MLXIP: variants seen among roughly 807,000 people sequenced by gnomAD.
The protein encoded by MLXIP is MLX interacting protein.
MLXIP carries 30 observed loss-of-function variants against 87.2 expected under a neutral mutation model. The observed-to-expected ratio is 0.34, with a 90% CI of 0.26 to 0.47. MLXIP has a LOEUF of 0.47. MLXIP is among the 20% of genes least tolerant of loss of function. The probability of loss-of-function intolerance (pLI) is 1.00; values close to 1 mark genes in which losing one functional copy is unlikely to be tolerated. For synonymous variants in MLXIP, 530 were observed against 514.0 expected, an observed-to-expected ratio of 1.03 and a Z score of -0.42; for missense variants, 1,002 against 1,240.1, an observed-to-expected ratio of 0.81 and a Z score of 2.88.
At position 122,144,218 on chromosome 12, in the gene MLXIP, AT is replaced by A; in HGVS notation, c.*2410del. ...CACAGGATGGGCTTTGTTTACACTC[AT>A]TTTCACCCTGATTCTTGCCCCCACT... On this transcript the variant is annotated 3_prime_UTR_variant, in exon 17 of 17. Transcript: ENST00000319080. The A allele has an allele frequency of 6.6e-6, 1 of 152,574 alleles. No individual in the cohort carries two copies. Among genetic ancestry groups the A allele is most frequent in the South Asian group, 2.1e-4 (1 of 4,816 alleles). 9.5% of individuals were successfully genotyped at this position (152,574 alleles called of 1,614,324 possible). A position where few individuals can be genotyped will look rare whatever the true frequency, so the allele number is the denominator to read the frequency against.
chr12:122,141,572 C>T (rs1347990200), intron 16 of MLXIP, 119 bp from the exon 17 acceptor site: 2 of 1,482,166 alleles, frequency 1.3e-6, no homozygotes, highest in African/African-American at 1.4e-5. Flanking sequence ...TGCAGTCCAG[C>T]ATGGCTGCTG....
chr12:122,138,277 C>G lies in MLXIP; in HGVS notation c.2238C>G (p.Ile746Met), dbSNP rs1479843247. ...GCTTCGACATGCTCAACAGCCTCAT[C>G]TCCAACAATTCCAAGCTGGTGAGTT... ...KMCFDMLNSLISNNSKLTSHA... is the reference protein window; with the variant it reads ...KMCFDMLNSLMSNNSKLTSHA... The change falls in exon 13 of 17, where the codon ATC (isoleucine) becomes ATG (methionine). Residue 746 changes from isoleucine (I) to methionine (M), a missense_variant. Ile to Met is a conservative substitution (Grantham distance 10). This residue lies in a region of MLXIP where 746 missense variants were observed against 897.0 expected (regional missense o/e 0.83). Transcript: ENST00000319080. 15 of 1,613,812 alleles carry G rather than the reference C, an allele frequency of 9.3e-6. No individual in the cohort carries two copies. The highest frequency in any genetic ancestry group is 1.7e-5 in the Admixed American group (1 of 59,990).
intron 6 of MLXIP, 58 bp downstream of exon 6, chr12:122,130,170 C>A (rs936347747): frequency 2.6e-6 from 4 of 1,534,676 alleles, no homozygotes; most frequent in African/African-American, 1.4e-5. Flanking sequence ...CTCTGCCAGG[C>A]CCCCTCTGGG....
Position 122,103,521 on chromosome 12 carries a change from C to CT in MLXIP, c.414-23718dup, listed in dbSNP as rs36181949. 1.0e-2 allele frequency among the ~76,000 whole-genome samples: 1,109 copies of CT among 111,270 alleles called. 21 individuals carry two copies. Among genetic ancestry groups the CT allele is most frequent in the African/African-American group, 0.021 (581 of 27,060 alleles). 73.0% of individuals were successfully genotyped at this position (111,270 alleles called of 152,430 possible). A position where few individuals can be genotyped will look rare whatever the true frequency, so the allele number is the denominator to read the frequency against. On this transcript the variant is annotated intron_variant, in intron 1 of 16. Coordinates refer to ENST00000319080, the MANE Select transcript of MLXIP (RefSeq NM_014938.6). The stretch of plus-strand genomic sequence containing the variant: ...ACAGGCATGAACCATTGCACCTGGC[C>CT]TTTTTTTTTTTTTTTTTGAGACAGA...
chr12:122,094,969 TTG>T (rs2135915328), intron 1 of MLXIP, among the ~76,000 whole-genome samples: 1 of 133,154 alleles, frequency 7.5e-6, no homozygotes, highest in East Asian at 2.3e-4. Context: ...GTTGGTGTGT[TTG>T]TGGGGTGTGG....
At chr12:122,094,097 G>GGT (rs1270688217) in intron 1 of MLXIP, among the ~76,000 whole-genome samples, 1 of 144,836 alleles carries the variant, frequency 6.9e-6, no homozygotes, top group Non-Finnish European at 1.5e-5. Context: ...TGTGTGTGGT[G>GGT]GTGTGTGTGT....
At position 122,121,009 on chromosome 12, in the gene MLXIP, G is replaced by GTTTTTTTTTTTTTTTTTTTTT. The variant is rs776332981; in HGVS notation, c.414-6247_414-6246insTTTTTTTTTTTTTTTTTTTTT. ...TAGCCCCAGAGCCCTCTGCATGCTT[G>GTTTTTTTTTTTTTTTTTTTTT]GTTTTTTTTTTTTTTTTTTGAAACG... On this transcript the variant is annotated intron_variant, in intron 1 of 16. Coordinates refer to ENST00000319080, the MANE Select transcript of MLXIP (RefSeq NM_014938.6). Among the ~76,000 whole-genome samples, 38 of 102,194 alleles carry GTTTTTTTTTTTTTTTTTTTTT rather than the reference G, an allele frequency of 3.7e-4. 1 individual carries two copies. The highest frequency in any genetic ancestry group is 8.4e-4 in the African/African-American group (21 of 24,912). 67.0% of individuals were successfully genotyped at this position (102,194 alleles called of 152,430 possible).
In MLXIP at chr12:122,144,931, CAGA is replaced by C. The variant is rs1953273822; in HGVS notation, c.*3122_*3124del. On this transcript the variant is annotated 3_prime_UTR_variant, in exon 17 of 17. Transcript: ENST00000319080. ...AAATAGAAAATCCAAAAAGAAAAAC[CAGA>C]AGGCCTGCTGGCGTATAAATCCCTG... The C allele has an allele frequency of 1.3e-5, 2 of 152,186 alleles. No individual in the cohort carries two copies. Among genetic ancestry groups the C allele is most frequent in the Admixed American group, 1.3e-4 (2 of 15,252 alleles). 9.4% of individuals were successfully genotyped at this position (152,186 alleles called of 1,614,324 possible).
At chr12:122,103,209 ATT>A (rs1565965550) in intron 1 of MLXIP, among the ~76,000 whole-genome samples, 56 of 47,414 alleles carry the variant, frequency 1.2e-3, no homozygotes, top group Admixed American at 1.5e-3. Flanking sequence ...GTATTTATTT[ATT>A]TATTTATTTA....
At position 122,121,009 on chromosome 12, in the gene MLXIP, G is replaced by GTTTTT. The variant is rs776332981; in HGVS notation, c.414-6247_414-6246insTTTTT. On this transcript the variant is annotated intron_variant, in intron 1 of 16. Coordinates refer to ENST00000319080, the MANE Select transcript of MLXIP (RefSeq NM_014938.6). ...TAGCCCCAGAGCCCTCTGCATGCTT[G>GTTTTT]GTTTTTTTTTTTTTTTTTTGAAACG... is the stretch of plus-strand genomic sequence containing the variant. Among the ~76,000 whole-genome samples the GTTTTT allele has an allele frequency of 2.2e-3, 226 of 102,168 alleles. 14 individuals carry two copies. Among genetic ancestry groups the GTTTTT allele is most frequent in the Non-Finnish European group, 2.3e-3 (118 of 52,068 alleles). 67.0% of individuals were successfully genotyped at this position (102,168 alleles called of 152,430 possible).
Position 122,079,274 on chromosome 12 carries a change from C to G in MLXIP, c.413+8C>G. The G allele has an allele frequency of 6.5e-7, 1 of 1,547,380 alleles. No homozygotes were observed. The highest frequency in any genetic ancestry group is 8.7e-7 in the Non-Finnish European group (1 of 1,144,866). On this transcript the variant is annotated splice_region_variant and intron_variant, in intron 1 of 16. Coordinates refer to ENST00000319080, the MANE Select transcript of MLXIP (RefSeq NM_014938.6). Reference sequence around the variant, plus strand: ...CATGACTTTGGCCTACAGGTAGGGACCCCCGCGACCCCCTGAGGCCCCGGC... The same window carrying G: ...CATGACTTTGGCCTACAGGTAGGGAGCCCCGCGACCCCCTGAGGCCCCGGC...
At chr12:122,083,004 G>C (rs1952113663) in intron 1 of MLXIP, among the ~76,000 whole-genome samples, 1 of 152,106 alleles carries the variant, frequency 6.6e-6, no homozygotes, top group Non-Finnish European at 1.5e-5. Flanking sequence ...ATTTTTTGTA[G>C]ATATGGGGTG....
chr12:122,097,919 C>T (rs1246793464), intron 1 of MLXIP, among the ~76,000 whole-genome samples: 1 of 151,368 alleles, frequency 6.6e-6, no homozygotes, highest in Non-Finnish European at 1.5e-5. Flanking sequence ...AGCAGCTCAG[C>T]TCTGGCCTGG....
intron 1 of MLXIP, among the ~76,000 whole-genome samples, chr12:122,117,518 C>A (rs913322915): frequency 6.6e-6 from 1 of 152,260 alleles, no homozygotes; most frequent in African/African-American, 2.4e-5. Flanking sequence ...CATTCCTCCA[C>A]TCCCTCATTG....
chr12:122,119,482 T>A (rs1339125035), intron 1 of MLXIP, among the ~76,000 whole-genome samples: 2 of 151,980 alleles, frequency 1.3e-5, no homozygotes, highest in Non-Finnish European at 2.9e-5. Context: ...AGCTCCGCCT[T>A]CCAGGTTCAT....
Position 122,130,019 on chromosome 12 carries a change from G to A in MLXIP, c.817G>A (p.Asp273Asn). The change falls in exon 6 of 17, where the codon GAC becomes AAC. Residue 273 changes from aspartate to asparagine, a missense_variant. By Grantham distance (23) the Asp-to-Asn change is conservative. This residue lies in a region of MLXIP where 746 missense variants were observed against 897.0 expected (regional missense o/e 0.83). Coordinates refer to ENST00000319080, the MANE Select transcript of MLXIP (RefSeq NM_014938.6). Reference sequence around the variant, plus strand: ...CCCCATGGAGGAGGATCCCCTGCTGGACACAGACATGCTCATGTCGGAATT... The same window carrying A: ...CCCCATGGAGGAGGATCCCCTGCTGAACACAGACATGCTCATGTCGGAATT... ...PVPMEEDPLL[D>N]TDMLMSEFSD... 1.9e-6 allele frequency: 3 copies of A among 1,614,006 alleles called. No homozygotes were observed. The highest frequency in any genetic ancestry group is 1.3e-5 in the African/African-American group (1 of 75,052).
At chr12:122,095,844 T>C (rs1176709030) in intron 1 of MLXIP, among the ~76,000 whole-genome samples, 4 of 151,618 alleles carry the variant, frequency 2.6e-5, no homozygotes, top group Non-Finnish European at 5.9e-5. Flanking sequence ...TGAGTATATA[T>C]ATATTTTCCT....
chr12:122,086,879 C>G (rs1303777063), intron 1 of MLXIP, among the ~76,000 whole-genome samples: 1 of 152,176 alleles, frequency 6.6e-6, no homozygotes, highest in African/African-American at 2.4e-5. Flanking sequence ...GAGACTGACT[C>G]TCACAGGCCA....
rs1420167440 is a variant in MLXIP at position 122,093,596 on chromosome 12, G to A, written c.413+14330G>A. ...GTGTAGTGTGTGTGTTGGTGTGTAT[G>A]GTGTGTGTTTGTGGTGTGTGTGTGG... On this transcript the variant is annotated intron_variant, in intron 1 of 16. Transcript: ENST00000319080. 7.6e-3 allele frequency among the ~76,000 whole-genome samples: 1,048 copies of A among 137,886 alleles called. 11 individuals carry two copies. The highest frequency in any genetic ancestry group is 0.027 in the African/African-American group (992 of 36,614). The allele number at this position is 137,886 out of a possible 152,430, so 90.5% of individuals were successfully genotyped here. A position where few individuals can be genotyped will look rare whatever the true frequency, so the allele number is the denominator to read the frequency against.
Sources: allele counts gnomAD v4.1 joint callset (sites outside exome capture counted in the v4.1 genomes callset), GRCh38; gene constraint gnomAD v4.1.1; regional missense constraint gnomAD v4.1.1; transcripts MANE v1.5; gene names NCBI Gene and HGNC (gene_info 2026-07-23, HGNC 2026-07-21).